Variants in FHIP2B observed in about 807,000 individuals in gnomAD.
The protein encoded by FHIP2B is FHF complex subunit HOOK interacting protein 2B, also known as FHF complex subunit HOOK-interacting protein 2B.
FHIP2B carries 72 observed loss-of-function variants against 84.0 expected under a neutral mutation model. The observed-to-expected ratio is 0.86, with a 90% confidence interval of 0.71 to 1.04. The LOEUF is 1.04. Ranked by LOEUF, FHIP2B falls within the 50% of genes least tolerant of loss-of-function variation. The pLI, the probability that FHIP2B is intolerant of heterozygous loss-of-function variation, is 0.00. For synonymous variants in FHIP2B, 497 were observed against 418.7 expected (o/e 1.19, Z -2.28); for missense variants, 972 against 968.9 (o/e 1.00, Z -0.04).
At chr8:22,092,897 T>C (rs1586314920) in intron 1 of FHIP2B, among the ~76,000 whole-genome samples, 1 of 152,228 alleles carries the variant, frequency 6.6e-6, no homozygotes, top group African/African-American at 2.4e-5. Context: ...CACTACTTCC[T>C]TGTAGCTTCG....
intron 14 of FHIP2B, 126 bp from the exon 15 acceptor site, chr8:22,102,049 C>T (rs992425337): frequency 1.3e-5 from 20 of 1,559,014 alleles, no homozygotes; most frequent in Non-Finnish European, 1.6e-5. Flanking sequence ...GAATCCATGA[C>T]ACACACACAT....
chr8:22,102,318 G>A lies in FHIP2B; in HGVS notation c.1992+3G>A, dbSNP rs777496727. On this transcript the variant is annotated splice_donor_region_variant and intron_variant, in intron 15 of 16. Coordinates refer to ENST00000289921, the MANE Select transcript of FHIP2B (RefSeq NM_022749.7). Reference sequence around the variant, plus strand: ...GCCTATTCTCCGTGTTGGTGAGGGTGAGGACGCCTCGGCCCAAGGGAGTGT... The same window carrying A: ...GCCTATTCTCCGTGTTGGTGAGGGTAAGGACGCCTCGGCCCAAGGGAGTGT... 168 of 1,612,192 alleles carry A rather than the reference G, an allele frequency of 1.0e-4. 3 individuals are homozygous for A. The South Asian group carries it at 1.8e-3, about 17-fold the overall frequency.
rs758671151 is a variant in FHIP2B, at chr8:22,099,789, G to A, written c.1237G>A (p.Val413Met). The A allele has an allele frequency of 1.3e-5, 21 of 1,612,478 alleles. No homozygotes were observed. Among genetic ancestry groups the A allele is most frequent in the Middle Eastern group, 1.7e-4 (1 of 5,854 alleles). The change falls in exon 10 of 17, where the codon GTG becomes ATG. Residue 413 changes from valine to methionine, a missense_variant. Physicochemically the swap from Val to Met is conservative, Grantham distance 21. Coordinates refer to ENST00000289921, the MANE Select transcript of FHIP2B (RefSeq NM_022749.7). ...CTCCCCTGCGCTGCTGCGGGAGGCC[G>A]TGGCTTTCCTCCTGGGCACAGACCG... ...LRSPALLREA[V>M]AFLLGTDRQP...
At chr8:22,099,634 G>C (rs1825989161) in intron 9 of FHIP2B, 70 bp from the exon 10 acceptor site, 1 of 1,474,922 alleles carries the variant, frequency 6.8e-7, no homozygotes, top group South Asian at 1.3e-5. Flanking sequence ...CAAGCAGGAA[G>C]GGTTCGGCCA....
At chr8:22,097,356 G>A (rs904456326) in intron 3 of FHIP2B, among the ~76,000 whole-genome samples, 160 bp from the exon 4 acceptor site, 1 of 151,370 alleles carries the variant, frequency 6.6e-6, no homozygotes, top group African/African-American at 2.4e-5. Flanking sequence ...CAGGGGACAC[G>A]GCTCTGACAG....
chr8:22,104,890 A>G lies in FHIP2B; in HGVS notation c.*1959A>G, dbSNP rs946372871. 5.3e-5 allele frequency: 8 copies of G among 150,334 alleles called. No homozygotes were observed. Among genetic ancestry groups the G allele is most frequent in the Non-Finnish European group, 1.2e-4 (8 of 67,878 alleles). 9.3% of individuals were successfully genotyped at this position (150,334 alleles called of 1,614,324 possible). ...CTCAGGGAAAAAGAAAAGTTAACAC[A>G]TAAATAAACCCTTTGTCCTCAGATG... On this transcript the variant is annotated 3_prime_UTR_variant, in exon 17 of 17. Coordinates refer to ENST00000289921, the MANE Select transcript of FHIP2B (RefSeq NM_022749.7).
chr8:22,096,194 A>C, intron 2 of FHIP2B, 143 bp from the exon 3 acceptor site: 1 of 757,910 alleles, frequency 1.3e-6, no homozygotes, highest in Non-Finnish European at 2.1e-6. Context: ...GTAAACTTCC[A>C]TTTCCCAGTT....
In FHIP2B at chr8:22,097,561, G is replaced by A. The variant is rs1563594429; in HGVS notation, c.343G>A (p.Val115Ile). 2 of 1,610,696 alleles carry A rather than the reference G, an allele frequency of 1.2e-6. No homozygotes were observed. The highest frequency in any genetic ancestry group is 1.7e-5 in the Admixed American group (1 of 59,680). Residue 115 changes from valine (V) to isoleucine (I), a missense_variant, in exon 4 of 17, where the codon GTT (valine) becomes ATT (isoleucine). Transcript: ENST00000289921. The stretch of plus-strand genomic sequence containing the variant: ...GCAGGTGTTCCAGTTCTTCAGCAAG[G>A]TTCTGGCGCAGGTGCAGCACCCCCT... ...RQQVFQFFSK[V>I]LAQVQHPLLH... is the part of the protein sequence containing the mutation.
chr8:22,101,455 C>A lies in FHIP2B; in HGVS notation c.1632C>A (p.Val544=), dbSNP rs1826107714. ...TEIVNSFLCL[V]PEEAKTSAFL... is the part of the protein sequence containing the mutation. ...TATCTCTCAGTTTCCTGTGCCTGGTCCCCGAGGAAGCCAAGACCTCTGCCT... is the reference window on the plus strand; with the variant it reads ...TATCTCTCAGTTTCCTGTGCCTGGTACCCGAGGAAGCCAAGACCTCTGCCT... Residue 544 remains valine (V), a synonymous_variant, in exon 13 of 17, where the codon GTC becomes GTA. Transcript: ENST00000289921. 1.9e-6 allele frequency: 3 copies of A among 1,610,624 alleles called. No homozygotes were observed. Among genetic ancestry groups the A allele is most frequent in the Non-Finnish European group, 2.5e-6 (3 of 1,178,142 alleles).
intron 9 of FHIP2B, 66 bp downstream of exon 9, chr8:22,099,426 G>A (rs753070144): frequency 1.8e-5 from 28 of 1,526,992 alleles, no homozygotes; most frequent in Middle Eastern, 3.4e-4. Flanking sequence ...ACCCAGCCTC[G>A]TCCTGTCCCT....
chr8:22,103,366 C>T lies in FHIP2B; in HGVS notation c.*435C>T, dbSNP rs1826230927. The T allele has an allele frequency of 6.1e-6, 1 of 164,062 alleles. No individual in the cohort carries two copies. The highest frequency in any genetic ancestry group is 1.3e-5 in the Non-Finnish European group (1 of 75,808). 10.2% of individuals were successfully genotyped at this position (164,062 alleles called of 1,614,324 possible). The stretch of plus-strand genomic sequence containing the variant: ...ATGGGGCCTGGAGCCTTGTCTGTGT[C>T]ACATTAGGTACCATGGGAGCTGCTG... On this transcript the variant is annotated 3_prime_UTR_variant, in exon 17 of 17. Transcript: ENST00000289921.
chr8:22,101,412 C>T (rs371441824), intron 12 of FHIP2B, 28 bp from the exon 13 acceptor site: 11 of 1,548,186 alleles, frequency 7.1e-6, no homozygotes, highest in South Asian at 1.2e-5. Flanking sequence ...GAGCCGGGAG[C>T]GCCTCCACAC....
Position 22,099,013 on chromosome 8 carries a change from G to C in FHIP2B, c.1031G>C (p.Gly344Ala). Reference sequence around the variant, plus strand: ...AAGGAGGCCTTGGCTGCCTTCTTGGGCTGGTTTGATTACTGCGACCACCTC... The same window carrying C: ...AAGGAGGCCTTGGCTGCCTTCTTGGCCTGGTTTGATTACTGCGACCACCTC... ...PGKEALAAFL[G>A]WFDYCDHLIT... Residue 344 changes from glycine to alanine, a missense_variant, in exon 8 of 17, where the codon GGC becomes GCC. Physicochemically the swap from Gly to Ala is moderately conservative, Grantham distance 60. Coordinates refer to ENST00000289921, the MANE Select transcript of FHIP2B (RefSeq NM_022749.7). The C allele has an allele frequency of 1.2e-6, 2 of 1,608,102 alleles. No individual in the cohort carries two copies. The highest frequency in any genetic ancestry group is 1.7e-6 in the Non-Finnish European group (2 of 1,177,174).
At chr8:22,090,312 CCA>C in intron 1 of FHIP2B, among the ~76,000 whole-genome samples, 1 of 152,330 alleles carries the variant, frequency 6.6e-6, no homozygotes. Flanking sequence ...TTCCTCCCCA[CCA>C]CCTCCTCCCC....
Position 22,089,278 on chromosome 8 carries a change from C to T in FHIP2B, c.25C>T (p.Leu9=). The change falls in exon 1 of 17, where the codon CTG becomes TTG. Residue 9 remains leucine, a synonymous_variant. Coordinates refer to ENST00000289921, the MANE Select transcript of FHIP2B (RefSeq NM_022749.7). The part of the protein sequence containing the change: MLSRLGAL[L]QEAVGAREPS... ...CATGCTGAGCCGGCTCGGGGCGCTG[C>T]TGCAGGAAGCCGTGGGGGCGGTGAG... The T allele has an allele frequency of 8.6e-6, 9 of 1,044,646 alleles. No homozygotes were observed. The highest frequency in any genetic ancestry group is 1.0e-5 in the Non-Finnish European group (9 of 869,924). The allele number at this position is 1,044,646 out of a possible 1,614,324, so 64.7% of individuals were successfully genotyped here. A position where few individuals can be genotyped will look rare whatever the true frequency, so the allele number is the denominator to read the frequency against.
Position 22,094,500 on chromosome 8 carries a change from T to C in FHIP2B, c.106T>C (p.Tyr36His). ...GGAGCACTGGAAGGGCATCACGCAC[T>C]ACTACATCGAGAGCACAGGTGCGGC... is the stretch of plus-strand genomic sequence containing the variant. The part of the protein sequence containing the change: ...FVEHWKGITH[Y>H]YIESTDESTP... The change falls in exon 2 of 17, where the codon TAC (tyrosine) becomes CAC (histidine). Residue 36 changes from tyrosine (Y) to histidine (H), a missense_variant. By Grantham distance (83) the Tyr-to-His change is moderately conservative. Coordinates refer to ENST00000289921, the MANE Select transcript of FHIP2B (RefSeq NM_022749.7). 3.1e-6 allele frequency: 5 copies of C among 1,611,562 alleles called. No individual in the cohort carries two copies. Among genetic ancestry groups the C allele is most frequent in the Non-Finnish European group, 4.2e-6 (5 of 1,178,980 alleles).
chr8:22,092,622 C>T (rs999933508), intron 1 of FHIP2B, among the ~76,000 whole-genome samples: 3 of 147,538 alleles, frequency 2.0e-5, no homozygotes, highest in Non-Finnish European at 4.4e-5. Context: ...TGTCATTGAC[C>T]TGCTCCCTGC....
In FHIP2B at chr8:22,099,364, A is replaced by AGTGTCTAGT. The variant is rs1825973906; in HGVS notation, c.1151+5_1151+13dup. 1 of 1,612,920 alleles carries AGTGTCTAGT rather than the reference A, an allele frequency of 6.2e-7. No homozygotes were observed. The highest frequency in any genetic ancestry group is 1.7e-5 in the Admixed American group (1 of 59,874). ...TGCAGCCCCAGCTCCTGCACGTGTA[A>AGTGTCTAGT]GTGTCTAGTTCCCTCAGGCATGACT... On this transcript the variant is annotated splice_donor_region_variant and intron_variant, in intron 9 of 16. Transcript: ENST00000289921.
rs766232050 is a variant in FHIP2B at position 22,101,000 on chromosome 8, C to T, written c.1616+28C>T. The T allele has an allele frequency of 1.9e-6, 3 of 1,603,784 alleles. No individual in the cohort carries two copies. The Admixed American group carries it at 5.2e-5, about 28-fold the overall frequency. On this transcript the variant is annotated intron_variant, in intron 12 of 16. Transcript: ENST00000289921. ...GGGGAGCAAGTTAGGCAGTCTGAACCACTTGAGTTTTATTTTATTTTATTT... is the reference window on the plus strand; with the variant it reads ...GGGGAGCAAGTTAGGCAGTCTGAACTACTTGAGTTTTATTTTATTTTATTT...
Sources: allele counts gnomAD v4.1 joint callset (sites outside exome capture counted in the v4.1 genomes callset), GRCh38; gene constraint gnomAD v4.1.1; transcripts MANE v1.5; gene names NCBI Gene and HGNC (gene_info 2026-07-23, HGNC 2026-07-21).